The following CSTPP1 variants were observed in gnomAD, a reference collection of about 807,000 sequenced individuals.
The protein encoded by CSTPP1 is UPF0705 protein C11orf49.
chr11:47,093,055 A>T, the CSTPP1 span, among the ~76,000 whole-genome samples: 1 of 152,224 alleles, frequency 6.6e-6, no homozygotes, highest in Admixed American at 6.5e-5. Flanking sequence ...AGAGGATGCC[A>T]AGGGTCCTGA....
chr11:47,152,769 G>A, the CSTPP1 span, among the ~76,000 whole-genome samples: 2 of 152,212 alleles, frequency 1.3e-5, no homozygotes, highest in Non-Finnish European at 2.9e-5. Flanking sequence ...TGCTATGGGA[G>A]TGCTGTGTTC....
chr11:47,138,979 C>CAAAAAAAAAAAAA, the CSTPP1 span, among the ~76,000 whole-genome samples: 4 of 40,876 alleles, frequency 9.8e-5, no homozygotes, highest in Non-Finnish European at 1.2e-4. Context: ...GACTCCGTCT[C>CAAAAAAAAAAAAA]AAAAAAAAAA....
the CSTPP1 span, among the ~76,000 whole-genome samples, chr11:46,946,840 TTC>T: frequency 1.3e-5 from 2 of 152,348 alleles, no homozygotes; most frequent in African/African-American, 4.8e-5. Context: ...GGCAGGCCTT[TTC>T]TCTCTAAAAT....
chr11:47,151,546 T>C, the CSTPP1 span, among the ~76,000 whole-genome samples: 2 of 150,680 alleles, frequency 1.3e-5, no homozygotes, highest in Non-Finnish European at 2.9e-5. Context: ...ATTTCAGCAA[T>C]AGCATTGATA....
chr11:46,955,048 G>A, the CSTPP1 span, among the ~76,000 whole-genome samples: 2 of 152,066 alleles, frequency 1.3e-5, no homozygotes, highest in Non-Finnish European at 2.9e-5. Context: ...AAACAGACAG[G>A]TACAGGCTTT....
At chr11:47,086,821 T>C in the CSTPP1 span, among the ~76,000 whole-genome samples, 1 of 152,178 alleles carries the variant, frequency 6.6e-6, no homozygotes, top group East Asian at 1.9e-4. Flanking sequence ...GGGTGAATGA[T>C]GGTAATGACA....
At chr11:46,988,940 G>A in the CSTPP1 span, among the ~76,000 whole-genome samples, 16,388 of 152,110 alleles carry the variant, frequency 0.11, 1,197 homozygotes, top group South Asian at 0.17. Flanking sequence ...TATTTGAAAG[G>A]TCATACCTAG....
the CSTPP1 span, among the ~76,000 whole-genome samples, chr11:47,016,798 T>C: frequency 6.6e-6 from 1 of 150,940 alleles, no homozygotes; most frequent in Admixed American, 6.6e-5. Flanking sequence ...TACACATATA[T>C]AAAAACTTAC....
the CSTPP1 span, chr11:47,161,893 G>C: frequency 7.8e-7 from 1 of 1,277,358 alleles, no homozygotes; most frequent in Non-Finnish European, 9.9e-7. Context: ...ACTGTGCTGA[G>C]GCCACCTTGT....
the CSTPP1 span, among the ~76,000 whole-genome samples, chr11:46,951,276 A>T: frequency 6.7e-6 from 1 of 150,124 alleles, no homozygotes; most frequent in Non-Finnish European, 1.5e-5. Flanking sequence ...TACAGAATAT[A>T]TGATATATTC....
chr11:47,122,459 T>C, the CSTPP1 span, among the ~76,000 whole-genome samples: 1 of 152,178 alleles, frequency 6.6e-6, no homozygotes, highest in Non-Finnish European at 1.5e-5. Flanking sequence ...CTTGACCATC[T>C]CTGTGGATGG....
chr11:46,960,600 C>G, the CSTPP1 span, among the ~76,000 whole-genome samples: 1 of 152,138 alleles, frequency 6.6e-6, no homozygotes, highest in Admixed American at 6.6e-5. Flanking sequence ...GTGGCTAACC[C>G]AGCACTTTGG....
At chr11:47,163,288 A>G in the CSTPP1 span, among the ~76,000 whole-genome samples, 1 of 152,202 alleles carries the variant, frequency 6.6e-6, no homozygotes, top group Admixed American at 6.5e-5. Context: ...AATCACAGGA[A>G]AGCCTACTGA....
the CSTPP1 span, chr11:47,137,439 T>C: frequency 2.6e-6 from 4 of 1,514,206 alleles, no homozygotes; most frequent in Non-Finnish European, 3.5e-6. Flanking sequence ...TGTAACTGGA[T>C]GCCTCCCACC....
chr11:47,133,861 G>A, the CSTPP1 span, among the ~76,000 whole-genome samples: 1 of 152,200 alleles, frequency 6.6e-6, no homozygotes, highest in African/African-American at 2.4e-5. Context: ...TCTGTGAAAT[G>A]AGGATAATAG....
the CSTPP1 span, among the ~76,000 whole-genome samples, chr11:47,022,358 C>CTTTTTTTTTTTTTTTT: frequency 2.1e-5 from 1 of 48,754 alleles, no homozygotes; most frequent in African/African-American, 9.5e-5. Context: ...TTCATATGTC[C>CTTTTTTTTTTTTTTTT]TTTTTTTTTT....
At chr11:47,146,323 C>A in the CSTPP1 span, among the ~76,000 whole-genome samples, 1 of 146,856 alleles carries the variant, frequency 6.8e-6, no homozygotes, top group Non-Finnish European at 1.5e-5. Context: ...CGAAACCGTG[C>A]CACTGCACTC....
chr11:47,050,953 T>C, the CSTPP1 span, among the ~76,000 whole-genome samples: 35 of 152,308 alleles, frequency 2.3e-4, no homozygotes, highest in Admixed American at 2.2e-3. Flanking sequence ...CATACAGTGC[T>C]GTTACTATTA....
At chr11:47,149,043 C>G in the CSTPP1 span, among the ~76,000 whole-genome samples, 4 of 152,226 alleles carry the variant, frequency 2.6e-5, no homozygotes, top group African/African-American at 9.6e-5. Flanking sequence ...GACTGCCTAT[C>G]CCAGCTGCTG....
Sources: allele counts gnomAD v4.1 joint callset (sites outside exome capture counted in the v4.1 genomes callset), GRCh38; gene constraint gnomAD v4.1.1; transcripts MANE v1.5; gene names NCBI Gene and HGNC (gene_info 2026-07-23, HGNC 2026-07-21).